UMAD1: variants seen among roughly 807,000 people sequenced by gnomAD.
UMAD1 encodes the protein UBAP1-MVB12-associated (UMA)-domain containing protein 1.
In UMAD1, 8 loss-of-function variants were observed where a neutral mutation model predicts 6.1. That is an observed-to-expected ratio of 1.30 (90% CI 0.76 to 2.35). The LOEUF (loss-of-function observed/expected upper bound fraction) is 2.35, where lower values mean the gene tolerates loss of function less well. UMAD1 is among the 30% of genes most tolerant of loss of function. The pLI is 0.00. For missense variants in UMAD1, 130 were observed against 78.4 expected, an observed-to-expected ratio of 1.66 and a Z score of -2.49; for synonymous variants, 56 against 31.4, an observed-to-expected ratio of 1.78 and a Z score of -2.61.
At chr7:7,840,337 A>G (rs1224887482) in intron 3 of UMAD1, among the ~76,000 whole-genome samples, 2 of 152,178 alleles carry the variant, frequency 1.3e-5, no homozygotes, top group Admixed American at 6.5e-5. Flanking sequence ...CCGACTGCAC[A>G]TCAGAATAAT....
chr7:7,776,144 C>T (rs1782202594), intron 2 of UMAD1, among the ~76,000 whole-genome samples: 1 of 151,774 alleles, frequency 6.6e-6, no homozygotes, highest in African/African-American at 2.4e-5. Context: ...CTCAATAAAC[C>T]TGACTTAAAA....
chr7:7,645,222 CT>C (rs1785066836), intron 1 of UMAD1, among the ~76,000 whole-genome samples: 1 of 151,684 alleles, frequency 6.6e-6, no homozygotes. Flanking sequence ...TCTTTCTTAC[CT>C]TTTGCCTAGG....
At chr7:7,800,151 G>A (rs1224227175) in intron 2 of UMAD1, among the ~76,000 whole-genome samples, 1 of 152,206 alleles carries the variant, frequency 6.6e-6, no homozygotes, top group Non-Finnish European at 1.5e-5. Context: ...CCAAAGTGGT[G>A]GGATTACAGG....
chr7:7,747,144 C>T (rs6959269), intron 2 of UMAD1, among the ~76,000 whole-genome samples: 1 of 152,038 alleles, frequency 6.6e-6, no homozygotes, highest in Non-Finnish European at 1.5e-5. Flanking sequence ...AGCCATTAGG[C>T]CATGAAGACT....
At chr7:7,651,931 C>T (rs189588559) in intron 1 of UMAD1, among the ~76,000 whole-genome samples, 2 of 152,282 alleles carry the variant, frequency 1.3e-5, no homozygotes, top group African/African-American at 4.8e-5. Flanking sequence ...CAGTTACACA[C>T]CATTCAAACC....
At chr7:7,757,927 T>C (rs903772522) in intron 2 of UMAD1, among the ~76,000 whole-genome samples, 2 of 152,138 alleles carry the variant, frequency 1.3e-5, no homozygotes, top group African/African-American at 2.4e-5. Context: ...TATCTTCTTA[T>C]GGTTTGTCTA....
intron 3 of UMAD1, among the ~76,000 whole-genome samples, chr7:7,810,922 C>T (rs1412548227): frequency 6.6e-6 from 1 of 152,138 alleles, no homozygotes; most frequent in Admixed American, 6.5e-5. Context: ...TTTGTCAAAA[C>T]ATCTGTCCCC....
At position 7,783,175 on chromosome 7, in the gene UMAD1, G is replaced by A. The variant is rs1782385220; in HGVS notation, c.83-18495G>A. 2.0e-5 allele frequency among the ~76,000 whole-genome samples: 3 copies of A among 152,192 alleles called. No individual in the cohort carries two copies. The South Asian group carries it at 6.2e-4, about 32-fold the overall frequency. ...CTCATTTAATCCTTGTAAGAGACAGGCTGGTTGCACCCATCTTGTCTAAGT... is the reference window on the plus strand; with the variant it reads ...CTCATTTAATCCTTGTAAGAGACAGACTGGTTGCACCCATCTTGTCTAAGT... On this transcript the variant is annotated intron_variant, in intron 2 of 3. Coordinates refer to ENST00000682710, the MANE Select transcript of UMAD1 (RefSeq NM_001302348.2).
intron 2 of UMAD1, among the ~76,000 whole-genome samples, chr7:7,761,107 G>A (rs1409987116): frequency 6.6e-6 from 1 of 152,124 alleles, no homozygotes; most frequent in Non-Finnish European, 1.5e-5. Flanking sequence ...GCTGACGCCT[G>A]TAATCCTAGT....
intron 2 of UMAD1, among the ~76,000 whole-genome samples, chr7:7,723,808 C>T (rs1781091751): frequency 6.6e-6 from 1 of 152,134 alleles, no homozygotes; most frequent in African/African-American, 2.4e-5. Flanking sequence ...ACAGCAGAGG[C>T]AAAGCAACAA....
intron 2 of UMAD1, among the ~76,000 whole-genome samples, chr7:7,784,952 C>T (rs1032517392): frequency 2.0e-5 from 3 of 151,922 alleles, no homozygotes; most frequent in African/African-American, 7.3e-5. Context: ...TTAGTAGAGA[C>T]GGGGTTTCAC....
At chr7:7,782,635 A>C (rs1220695318) in intron 2 of UMAD1, among the ~76,000 whole-genome samples, 1 of 152,108 alleles carries the variant, frequency 6.6e-6, no homozygotes, top group African/African-American at 2.4e-5. Context: ...CCACAAATGT[A>C]ATCAGAAAAT....
chr7:7,831,519 C>T (rs1431704229), intron 3 of UMAD1, among the ~76,000 whole-genome samples: 1 of 152,138 alleles, frequency 6.6e-6, no homozygotes, highest in East Asian at 1.9e-4. Flanking sequence ...TTTTACTCTT[C>T]TGAAATTGGA....
intron 2 of UMAD1, among the ~76,000 whole-genome samples, chr7:7,715,610 T>C (rs941986700): frequency 3.9e-5 from 6 of 152,146 alleles, no homozygotes; most frequent in African/African-American, 1.4e-4. Flanking sequence ...CAAATGAGGA[T>C]AAAGTTTTTC....
chr7:7,683,602 T>C (rs1779964495), intron 2 of UMAD1, among the ~76,000 whole-genome samples: 1 of 151,980 alleles, frequency 6.6e-6, no homozygotes, highest in Non-Finnish European at 1.5e-5. Flanking sequence ...CATGATCCTA[T>C]GAAATGAAAT....
At chr7:7,654,200 T>G (rs780017348) in intron 1 of UMAD1, among the ~76,000 whole-genome samples, 3 of 152,236 alleles carry the variant, frequency 2.0e-5, no homozygotes, top group Non-Finnish European at 4.4e-5. Flanking sequence ...AAACCTTCCC[T>G]GACTATTCTC....
At chr7:7,789,236 G>A (rs992627389) in intron 2 of UMAD1, among the ~76,000 whole-genome samples, 1 of 152,028 alleles carries the variant, frequency 6.6e-6, no homozygotes, top group African/African-American at 2.4e-5. Context: ...AGGTAGTAAG[G>A]CTTTTTATTG....
At chr7:7,864,501 C>G (rs554538058) in intron 3 of UMAD1, among the ~76,000 whole-genome samples, 1 of 151,594 alleles carries the variant, frequency 6.6e-6, no homozygotes, top group Non-Finnish European at 1.5e-5. Context: ...ATGGGGACAA[C>G]GCAGACACGC....
At chr7:7,857,750 A>T (rs1321178123) in intron 3 of UMAD1, among the ~76,000 whole-genome samples, 2 of 152,264 alleles carry the variant, frequency 1.3e-5, no homozygotes, top group Non-Finnish European at 1.5e-5. Flanking sequence ...CGAGCTGGAT[A>T]TAAAAATGAC....
Sources: allele counts gnomAD v4.1 joint callset (sites outside exome capture counted in the v4.1 genomes callset), GRCh38; gene constraint gnomAD v4.1.1; transcripts MANE v1.5; gene names NCBI Gene and HGNC (gene_info 2026-07-23, HGNC 2026-07-21).